The following DLC1 variants were observed in gnomAD, a reference collection of about 807,000 sequenced individuals.
DLC1 encodes the protein DLC1 Rho GTPase activating protein, also known as rho GTPase-activating protein 7.
DLC1 carries 54 observed loss-of-function variants against 140.3 expected under a neutral mutation model. The ratio of observed to expected loss-of-function variants is 0.38; its 90% CI spans 0.31 to 0.48. DLC1 has a LOEUF of 0.48. Among genes scored for constraint, DLC1 ranks in the 20% least tolerant of loss-of-function variants. The probability of loss-of-function intolerance (pLI) is 0.96; values close to 1 mark genes in which losing one functional copy is unlikely to be tolerated. For synonymous variants in DLC1, 986 were observed against 728.1 expected, an observed-to-expected ratio of 1.35 and a Z score of -5.70; for missense variants, 2,536 against 1,907.0, an observed-to-expected ratio of 1.33 and a Z score of -6.14.
At chr8:13,132,476 A>G (rs911126867) in intron 5 of DLC1, among the ~76,000 whole-genome samples, 1 of 152,228 alleles carries the variant, frequency 6.6e-6, no homozygotes, top group Non-Finnish European at 1.5e-5. Flanking sequence ...AATGTTCCCA[A>G]ACAGTAAACT....
intron 2 of DLC1, among the ~76,000 whole-genome samples, chr8:13,422,030 T>G (rs1222342698): frequency 2.0e-5 from 3 of 152,168 alleles, no homozygotes; most frequent in Non-Finnish European, 4.4e-5. Flanking sequence ...CCATCATGAA[T>G]AGTAATTCTT....
chr8:13,094,658 T>A, intron 12 of DLC1, 101 bp downstream of exon 12: 2 of 1,335,468 alleles, frequency 1.5e-6, no homozygotes, highest in Non-Finnish European at 2.0e-6. Context: ...AGAGCGAGAC[T>A]CCATCTCAAA....
chr8:13,226,201 A>T (rs1828790710), intron 5 of DLC1, among the ~76,000 whole-genome samples: 1 of 152,212 alleles, frequency 6.6e-6, no homozygotes, highest in Non-Finnish European at 1.5e-5. Context: ...GGAATGAGCC[A>T]CTATGCCCAG....
At chr8:13,601,191 G>T (rs150289041) in intron 1 of DLC1, among the ~76,000 whole-genome samples, 4 of 151,786 alleles carry the variant, frequency 2.6e-5, no homozygotes, top group African/African-American at 7.2e-5. Flanking sequence ...AATACAATAA[G>T]GCTCAGTCAG....
intron 2 of DLC1, among the ~76,000 whole-genome samples, chr8:13,444,981 G>A (rs553142378): frequency 3.3e-5 from 5 of 152,108 alleles, no homozygotes; most frequent in South Asian, 4.2e-4. Context: ...AGGAGAGAAC[G>A]AAAAAGGCAG....
chr8:13,425,820 G>GCTA (rs1838549192), intron 2 of DLC1, among the ~76,000 whole-genome samples: 1 of 152,122 alleles, frequency 6.6e-6, no homozygotes, highest in Non-Finnish European at 1.5e-5. Flanking sequence ...TGTTGCCTGG[G>GCTA]CTGTAGTGCA....
At chr8:13,181,580 T>C (rs1383432673) in intron 5 of DLC1, among the ~76,000 whole-genome samples, 2 of 144,566 alleles carry the variant, frequency 1.4e-5, no homozygotes, top group East Asian at 4.4e-4. Flanking sequence ...AGTGAGAACA[T>C]GTGGTGTTTG....
chr8:13,098,703 A>T (rs1268825618), intron 9 of DLC1, 128 bp from the exon 10 acceptor site: 1 of 992,284 alleles, frequency 1.0e-6, no homozygotes, highest in Non-Finnish European at 1.4e-6. Flanking sequence ...GCAGCCTTGA[A>T]CTCCTCAGCT....
At chr8:13,114,985 A>C (rs992774440) in intron 6 of DLC1, among the ~76,000 whole-genome samples, 1 of 152,226 alleles carries the variant, frequency 6.6e-6, no homozygotes, top group Non-Finnish European at 1.5e-5. Flanking sequence ...GATAGAAGCA[A>C]GATGAATCAT....
At chr8:13,566,932 G>T (rs566976024) in intron 1 of DLC1, 1 of 1,470,746 alleles carries the variant, frequency 6.8e-7, no homozygotes, top group Non-Finnish European at 9.0e-7. Context: ...CTCCTGACGG[G>T]TTCCTGAGCC....
chr8:13,185,418 C>G (rs1267289127), intron 5 of DLC1, among the ~76,000 whole-genome samples: 1 of 151,892 alleles, frequency 6.6e-6, no homozygotes, highest in Non-Finnish European at 1.5e-5. Context: ...TGCCATTCTC[C>G]TGCCTCAGCC....
At chr8:13,188,824 T>TA (rs1291260599) in intron 5 of DLC1, among the ~76,000 whole-genome samples, 3 of 41,348 alleles carry the variant, frequency 7.3e-5, no homozygotes, top group Non-Finnish European at 1.4e-4. Flanking sequence ...TATATATATA[T>TA]ATGTATATAT....
At chr8:13,563,550 G>GA (rs1804320380) in intron 1 of DLC1, among the ~76,000 whole-genome samples, 2 of 152,182 alleles carry the variant, frequency 1.3e-5, no homozygotes, top group Admixed American at 6.5e-5. Context: ...TAGGAGAAGA[G>GA]ACTTGCTTGA....
intron 2 of DLC1, among the ~76,000 whole-genome samples, chr8:13,429,098 A>G (rs1458662433): frequency 6.6e-6 from 1 of 152,248 alleles, no homozygotes; most frequent in Non-Finnish European, 1.5e-5. Context: ...ACCTAGAAAT[A>G]CAATTATAAG....
At chr8:13,553,248 A>G (rs1474897127) in intron 1 of DLC1, among the ~76,000 whole-genome samples, 5 of 132,306 alleles carry the variant, frequency 3.8e-5, no homozygotes, top group Non-Finnish European at 4.8e-5. Context: ...ATATATATAT[A>G]TATGTATCAC....
At chr8:13,133,370 T>C (rs1585729590) in intron 5 of DLC1, 1 of 939,824 alleles carries the variant, frequency 1.1e-6, no homozygotes, top group Admixed American at 1.2e-4. Context: ...CGGCACCGCC[T>C]CCTCCCCGCT....
Position 13,291,927 on chromosome 8 carries a change from C to T in DLC1, c.1348+13342G>A, listed in dbSNP as rs186038961. Among the ~76,000 whole-genome samples the T allele has an allele frequency of 3.4e-3, 512 of 151,894 alleles. 2 individuals carry two copies. Among genetic ancestry groups the T allele is most frequent in the Non-Finnish European group, 4.7e-3 (317 of 67,992 alleles). On this transcript the variant is annotated intron_variant, in intron 5 of 17. Transcript: ENST00000276297. ...GTGGAATTCTTTCTACACATTAGTG[C>T]TGTTATTTTGCCTCGCTCAGATTCT...
At chr8:13,553,590 A>G (rs1239795612) in intron 1 of DLC1, among the ~76,000 whole-genome samples, 1 of 151,916 alleles carries the variant, frequency 6.6e-6, no homozygotes, top group East Asian at 1.9e-4. Context: ...GGGCTCTGAC[A>G]GTCCTCTCAC....
intron 5 of DLC1, among the ~76,000 whole-genome samples, chr8:13,193,179 CAAAT>C (rs1242443371): frequency 1.3e-5 from 2 of 152,134 alleles, no homozygotes. Flanking sequence ...ATTTGGGAAA[CAAAT>C]AGGAATTTCC....
Sources: allele counts gnomAD v4.1 joint callset (sites outside exome capture counted in the v4.1 genomes callset), GRCh38; gene constraint gnomAD v4.1.1; transcripts MANE v1.5; gene names NCBI Gene and HGNC (gene_info 2026-07-23, HGNC 2026-07-21).